Variants in SLCO1A2 observed in about 807,000 individuals in gnomAD.
SLCO1A2 encodes the protein solute carrier organic anion transporter family member 1A2.
Under a neutral mutation model 69.0 loss-of-function variants are expected in SLCO1A2, and 67 were observed. That is an observed-to-expected ratio of 0.97 (90% CI 0.80 to 1.19). The LOEUF (loss-of-function observed/expected upper bound fraction) is 1.19, where lower values mean the gene tolerates loss of function less well. Among genes scored for constraint, SLCO1A2 ranks in the 50% most tolerant of loss-of-function variants. SLCO1A2 has a pLI of 0.00. For missense variants in SLCO1A2, 787 were observed against 793.7 expected, an observed-to-expected ratio of 0.99 and a Z score of 0.10; for synonymous variants, 260 against 265.9, an observed-to-expected ratio of 0.98 and a Z score of 0.22.
chr12:21,287,754 C>T lies in SLCO1A2; in HGVS notation c.1610+4410G>A, dbSNP rs1195499038. ...GAAACCATCATTCTCAGTAAACTAT[C>T]GCAAGAACAAAAAACCAAACACCGC... On this transcript the variant is annotated intron_variant, in intron 12 of 14. Coordinates refer to ENST00000683939, the MANE Select transcript of SLCO1A2 (RefSeq NM_001386879.1). Among the ~76,000 whole-genome samples the T allele has an allele frequency of 1.3e-4, 15 of 113,156 alleles. 1 individual carries two copies. The highest frequency in any genetic ancestry group is 1.3e-3 in the South Asian group (4 of 3,032). The allele number at this position is 113,156 out of a possible 152,430, so 74.2% of individuals were successfully genotyped here. A position where few individuals can be genotyped will look rare whatever the true frequency, so the allele number is the denominator to read the frequency against.
chr12:21,334,534 G>C (rs563198839), intron 2 of SLCO1A2, 54 bp downstream of exon 2: 6 of 1,322,088 alleles, frequency 4.5e-6, no homozygotes, highest in Non-Finnish European at 5.4e-6. Context: ...CAGGACTGTC[G>C]TATTTTAAAA....
chr12:21,373,186 A>ATC, intron 2 of SLCO1A2: 1 of 623,680 alleles, frequency 1.6e-6, no homozygotes, highest in African/African-American at 1.8e-5. Context: ...AAAAGTGGAC[A>ATC]ATATTAAGGG....
In SLCO1A2 at chr12:21,287,483, C is replaced by T. The variant is rs1336843878; in HGVS notation, c.1610+4681G>A. Among the ~76,000 whole-genome samples, 114 of 137,494 alleles carry T rather than the reference C, an allele frequency of 8.3e-4. 1 individual carries two copies. In the South Asian group the frequency reaches 0.028, roughly 34 times the overall value. 90.2% of individuals were successfully genotyped at this position (137,494 alleles called of 152,430 possible). On this transcript the variant is annotated intron_variant, in intron 12 of 14. Coordinates refer to ENST00000683939, the MANE Select transcript of SLCO1A2 (RefSeq NM_001386879.1). ...CCTCAGGGATCTAGAACTAGAAATACCATTTGACCCAGCCATCCCATTACT... is the reference window on the plus strand; with the variant it reads ...CCTCAGGGATCTAGAACTAGAAATATCATTTGACCCAGCCATCCCATTACT...
chr12:21,398,655 C>A (rs1941568246), upstream of SLCO1A2, among the ~76,000 whole-genome samples: 1 of 151,750 alleles, frequency 6.6e-6, no homozygotes, highest in Admixed American at 6.6e-5. Context: ...AATCCAGCAG[C>A]ACATCAAAAA....
rs148404960 is a variant in SLCO1A2 at position 21,318,279 on chromosome 12, C to T, written c.202+503G>A. Among the ~76,000 whole-genome samples, 107 of 152,100 alleles carry T rather than the reference C, an allele frequency of 7.0e-4. 2 individuals carry two copies. The East Asian group carries it at 0.017, about 24-fold the overall frequency. Reference sequence around the variant, plus strand: ...GACTACAGGCGCCCGCCACCATACCCGGCCAATTTGTTTGTATTTCTAGCA... The same window carrying T: ...GACTACAGGCGCCCGCCACCATACCTGGCCAATTTGTTTGTATTTCTAGCA... On this transcript the variant is annotated intron_variant, in intron 3 of 14. Coordinates refer to ENST00000683939, the MANE Select transcript of SLCO1A2 (RefSeq NM_001386879.1).
At chr12:21,318,986 T>G in intron 2 of SLCO1A2, 63 bp from the exon 3 acceptor site, 1 of 1,273,194 alleles carries the variant, frequency 7.9e-7, no homozygotes, top group Admixed American at 2.5e-5. Context: ...TTGCCGTCTG[T>G]TGACAAAATG....
intron 1 of SLCO1A2, among the ~76,000 whole-genome samples, chr12:21,413,237 C>CTTTTTTTTTT (rs3983534): frequency 0.02 from 1,975 of 99,256 alleles, 16 homozygotes; most frequent in Non-Finnish European, 0.025. Flanking sequence ...TTTTCTTTTT[C>CTTTTTTTTTT]TTTTTTTTTT....
At chr12:21,279,586 T>C (rs1944446675) in intron 12 of SLCO1A2, among the ~76,000 whole-genome samples, 2 of 152,152 alleles carry the variant, frequency 1.3e-5, no homozygotes, top group Non-Finnish European at 2.9e-5. Flanking sequence ...AACTTTTACC[T>C]TTATATCTGG....
At chr12:21,349,626 C>T (rs1231032924) in intron 2 of SLCO1A2, among the ~76,000 whole-genome samples, 1 of 152,140 alleles carries the variant, frequency 6.6e-6, no homozygotes. Context: ...CTTCCAAGGC[C>T]TTATGGGATC....
intron 1 of SLCO1A2, 31 bp downstream of exon 1, chr12:21,334,796 A>G: frequency 4.9e-6 from 3 of 613,638 alleles, no homozygotes; most frequent in Admixed American, 3.3e-5. Context: ...AATGAACAAC[A>G]TAATTGAAAT....
intron 3 of SLCO1A2, among the ~76,000 whole-genome samples, chr12:21,315,200 G>A (rs945826546): frequency 6.6e-6 from 1 of 152,106 alleles, no homozygotes; most frequent in African/African-American, 2.4e-5. Flanking sequence ...CCAAGACAGG[G>A]ATCTATTTTT....
intron 2 of SLCO1A2, among the ~76,000 whole-genome samples, chr12:21,323,592 A>G (rs1202593365): frequency 6.6e-6 from 1 of 152,144 alleles, no homozygotes; most frequent in Admixed American, 6.6e-5. Context: ...TAAATAAATG[A>G]AAATAAACTT....
chr12:21,362,765 C>G (rs1239650185), intron 2 of SLCO1A2, among the ~76,000 whole-genome samples: 1 of 152,142 alleles, frequency 6.6e-6, no homozygotes, highest in Non-Finnish European at 1.5e-5. Context: ...TCTGATAAAA[C>G]AGACTTTAAA....
At chr12:21,373,991 T>C (rs1939998512) in intron 2 of SLCO1A2, among the ~76,000 whole-genome samples, 2 of 152,218 alleles carry the variant, frequency 1.3e-5, no homozygotes, top group Admixed American at 1.3e-4. Flanking sequence ...TTGGGGGATT[T>C]ATTCTATATT....
At chr12:21,314,715 G>C (rs753883564) in intron 3 of SLCO1A2, 34 bp from the exon 4 acceptor site, 2 of 1,507,620 alleles carry the variant, frequency 1.3e-6, no homozygotes, top group Non-Finnish European at 1.8e-6. Flanking sequence ...ATTTTAAAAA[G>C]TATGAACAAA....
At position 21,267,528 on chromosome 12, in the gene SLCO1A2, G is replaced by A. The variant is rs970486912; in HGVS notation, c.*2020C>T. The A allele has an allele frequency of 1.3e-5, 2 of 152,152 alleles. No homozygotes were observed. Among genetic ancestry groups the A allele is most frequent in the African/African-American group, 2.4e-5 (1 of 41,446 alleles). 9.4% of individuals were successfully genotyped at this position (152,152 alleles called of 1,614,324 possible). On this transcript the variant is annotated 3_prime_UTR_variant, in exon 15 of 15. Transcript: ENST00000683939. ...AATCCGTAAGAACTAACCTCATTATGTCCTCTGCCCCCATTTATGTCAGTC... is the reference window on the plus strand; with the variant it reads ...AATCCGTAAGAACTAACCTCATTATATCCTCTGCCCCCATTTATGTCAGTC...
At chr12:21,312,919 T>A (rs28802276) in intron 4 of SLCO1A2, among the ~76,000 whole-genome samples, 24,268 of 151,520 alleles carry the variant, frequency 0.16, 2,321 homozygotes, top group African/African-American at 0.26. Context: ...ACCAAAAAAA[T>A]ATATATATAT....
intron 14 of SLCO1A2, among the ~76,000 whole-genome samples, chr12:21,270,383 A>G (rs1387711520): frequency 1.3e-5 from 2 of 151,762 alleles, no homozygotes; most frequent in African/African-American, 4.8e-5. Context: ...ATTTTTATAC[A>G]TTACTAGATT....
At chr12:21,291,242 C>T (rs1287238462) in intron 12 of SLCO1A2, among the ~76,000 whole-genome samples, 5 of 151,976 alleles carry the variant, frequency 3.3e-5, no homozygotes, top group African/African-American at 4.8e-5. Context: ...CCTTATGAAT[C>T]GGAACAAGAC....
Sources: allele counts gnomAD v4.1 joint callset (sites outside exome capture counted in the v4.1 genomes callset), GRCh38; gene constraint gnomAD v4.1.1; transcripts MANE v1.5; gene names NCBI Gene and HGNC (gene_info 2026-07-23, HGNC 2026-07-21).